ZNF536: variants seen among roughly 807,000 people sequenced by gnomAD.
ZNF536 encodes the protein zinc finger protein 536.
ZNF536 carries 13 observed loss-of-function variants against 84.5 expected under a neutral mutation model. The observed-to-expected ratio is 0.15, with a 90% CI of 0.10 to 0.24. The LOEUF (loss-of-function observed/expected upper bound fraction) is 0.24. ZNF536 is among the 10% of genes least tolerant of loss of function. ZNF536 has a pLI of 1.00. For synonymous variants in ZNF536, 811 were observed against 742.5 expected, an observed-to-expected ratio of 1.09 and a Z score of -1.50; for missense variants, 1,536 against 1,747.5, an observed-to-expected ratio of 0.88 and a Z score of 2.16.
At chr19:30,675,940 C>T (rs1232132523) in intron 1 of ZNF536, among the ~76,000 whole-genome samples, 3 of 152,140 alleles carry the variant, frequency 2.0e-5, no homozygotes, top group Non-Finnish European at 4.4e-5. Context: ...TCACTGCAGC[C>T]TCGACCTCCT....
At chr19:30,265,850 A>C (rs1230122005) in intron 1 of ZNF536, among the ~76,000 whole-genome samples, 1 of 152,052 alleles carries the variant, frequency 6.6e-6, no homozygotes, top group Non-Finnish European at 1.5e-5. Context: ...GCTCTGTCAA[A>C]GGGTAAGAAG....
rs186794668 is a variant in ZNF536 at position 30,387,502 on chromosome 19, C to G, written c.-3+14946C>G. On this transcript the variant is annotated intron_variant, in intron 1 of 4. Transcript: ENST00000355537. The stretch of plus-strand genomic sequence containing the variant: ...CCTCTTTCCAAGCCATTTATTGCCA[C>G]TTACCACGAGCTTGGCTTACATCTG... 2.0e-3 allele frequency among the ~76,000 whole-genome samples: 302 copies of G among 152,342 alleles called. 2 individuals are homozygous for G. The highest frequency in any genetic ancestry group is 4.7e-3 in the Admixed American group (72 of 15,306).
chr19:30,634,951 G>A (rs1021936964), intron 1 of ZNF536, among the ~76,000 whole-genome samples: 1 of 152,168 alleles, frequency 6.6e-6, no homozygotes, highest in African/African-American at 2.4e-5. Flanking sequence ...ACTGTCAAAA[G>A]CAGTCTCCAT....
rs544126001 is a variant in ZNF536, at chr19:30,269,208, C to G, written c.-189-14864C>G. Among the ~76,000 whole-genome samples the G allele has an allele frequency of 2.6e-5, 4 of 152,254 alleles. No individual in the cohort carries two copies. In the South Asian group the frequency reaches 8.3e-4, roughly 32 times the overall value. On this transcript the variant is annotated intron_variant, in intron 1 of 5. Coordinates refer to the ZNF536 transcript ENST00000585628. The stretch of plus-strand genomic sequence containing the variant: ...GTGGTCCCTGGAACTCCGCAGGAAC[C>G]CTGCCACCTGCCTGGGGAGGCCGCC...
intron 2 of ZNF536, among the ~76,000 whole-genome samples, chr19:30,512,925 C>T (rs2055475706): frequency 6.6e-6 from 1 of 152,172 alleles, no homozygotes; most frequent in African/African-American, 2.4e-5. Flanking sequence ...AAAAAGAGAA[C>T]AGCGCATCAG....
At chr19:30,400,043 G>C (rs927962379) in intron 1 of ZNF536, among the ~76,000 whole-genome samples, 1 of 152,022 alleles carries the variant, frequency 6.6e-6, no homozygotes, top group Non-Finnish European at 1.5e-5. Context: ...TCTATGTTTT[G>C]CATGTATTAA....
intron 2 of ZNF536, among the ~76,000 whole-genome samples, chr19:30,346,211 G>A (rs941289823): frequency 6.6e-6 from 1 of 152,182 alleles, no homozygotes; most frequent in Non-Finnish European, 1.5e-5. Flanking sequence ...GCAGCTATGG[G>A]CAAAGCAACT....
At chr19:30,350,693 G>C (rs937522624) in intron 2 of ZNF536, among the ~76,000 whole-genome samples, 1 of 152,098 alleles carries the variant, frequency 6.6e-6, no homozygotes, top group Non-Finnish European at 1.5e-5. Context: ...AGGAGAGGGT[G>C]GAAAATAAGC....
At chr19:30,563,201 A>G (rs529485330) in intron 1 of ZNF536, among the ~76,000 whole-genome samples, 5 of 152,040 alleles carry the variant, frequency 3.3e-5, no homozygotes, top group Non-Finnish European at 7.4e-5. Context: ...ATGGTGCCCC[A>G]CCCTCATCCT....
intron 1 of ZNF536, among the ~76,000 whole-genome samples, chr19:30,586,235 C>T (rs929904002): frequency 2.0e-5 from 3 of 152,206 alleles, no homozygotes; most frequent in Non-Finnish European, 4.4e-5. Context: ...ATCCTGGTTC[C>T]GTCGCTGGAT....
chr19:30,449,548 G>A (rs1279949531), intron 2 of ZNF536, among the ~76,000 whole-genome samples: 3 of 152,078 alleles, frequency 2.0e-5, no homozygotes, highest in Admixed American at 6.5e-5. Context: ...TATCCAACAG[G>A]GCAGTTACCT....
At chr19:30,426,086 G>T (rs1237789194) in intron 1 of ZNF536, among the ~76,000 whole-genome samples, 2 of 152,194 alleles carry the variant, frequency 1.3e-5, no homozygotes, top group South Asian at 4.1e-4. Context: ...CTCCCCAGAG[G>T]TGGTCTACTT....
intron 2 of ZNF536, among the ~76,000 whole-genome samples, chr19:30,494,570 C>G (rs1330207866): frequency 6.6e-6 from 1 of 152,146 alleles, no homozygotes; most frequent in Non-Finnish European, 1.5e-5. Flanking sequence ...TATGGGTGCC[C>G]CATCCTGTCA....
intron 1 of ZNF536, among the ~76,000 whole-genome samples, chr19:30,233,355 A>C (rs1443222896): frequency 7.5e-6 from 1 of 133,034 alleles, no homozygotes; most frequent in African/African-American, 2.9e-5. Context: ...TTTTTTTTTT[A>C]ACTTTAAGAG....
intron 1 of ZNF536, among the ~76,000 whole-genome samples, chr19:30,250,527 G>A (rs1017494463): frequency 6.6e-6 from 1 of 152,184 alleles, no homozygotes; most frequent in Admixed American, 6.5e-5. Context: ...GGGTCTGCAA[G>A]GGTCTTGGGG....
rs559551573 is a variant in ZNF536 at position 30,510,959 on chromosome 19, A to T, written c.2171-23888A>T. ...CGGGTCAGGCGTAGAGTGGGGATGGATATCATATCTCCCATTTGGCCTCCT... is the reference window on the plus strand; with the variant it reads ...CGGGTCAGGCGTAGAGTGGGGATGGTTATCATATCTCCCATTTGGCCTCCT... On this transcript the variant is annotated intron_variant, in intron 2 of 4. Transcript: ENST00000355537. 2.0e-5 allele frequency among the ~76,000 whole-genome samples: 3 copies of T among 152,266 alleles called. No individual in the cohort carries two copies. The East Asian group carries it at 5.8e-4, about 29-fold the overall frequency.
intron 2 of ZNF536, among the ~76,000 whole-genome samples, chr19:30,327,060 G>A (rs2047064781): frequency 6.6e-6 from 1 of 152,034 alleles, no homozygotes; most frequent in African/African-American, 2.4e-5. Context: ...GGAGGCTGCA[G>A]TGAGCCTTGA....
At chr19:30,440,808 A>G (rs1029964514) in intron 1 of ZNF536, among the ~76,000 whole-genome samples, 3 of 152,112 alleles carry the variant, frequency 2.0e-5, no homozygotes, top group South Asian at 2.1e-4. Flanking sequence ...AGAACATTCT[A>G]TCCTCAGCTG....
chr19:30,384,161 T>TTTCTTTCTTTCG (rs1221612484), intron 1 of ZNF536, among the ~76,000 whole-genome samples: 5 of 115,126 alleles, frequency 4.3e-5, no homozygotes, highest in African/African-American at 1.8e-4. Context: ...TCTTTCTTTC[T>TTTCTTTCTTTCG]TTCGTTTCCT....
Sources: gnomAD v4.1 joint callset for allele counts (sites outside exome capture counted in the v4.1 genomes callset) on GRCh38, gnomAD v4.1.1 for gene constraint, MANE v1.5 for transcripts, NCBI Gene and HGNC (gene_info 2026-07-23, HGNC 2026-07-21) for gene names.